Variants in LDLRAD3 observed in about 807,000 individuals in gnomAD.
LDLRAD3 encodes the protein low-density lipoprotein receptor class A domain-containing protein 3.
In LDLRAD3, 20 loss-of-function variants were observed where a neutral mutation model predicts 29.4. The observed-to-expected ratio is 0.68, with a 90% CI of 0.48 to 0.99. LDLRAD3 has a LOEUF of 0.99. LDLRAD3 is among the 50% of genes least tolerant of loss of function. The pLI is 0.00. For missense variants in LDLRAD3, 420 were observed against 454.3 expected, an observed-to-expected ratio of 0.92 and a Z score of 0.69; for synonymous variants, 157 against 192.7, an observed-to-expected ratio of 0.81 and a Z score of 1.53.
intron 1 of LDLRAD3, among the ~76,000 whole-genome samples, chr11:36,029,244 AAAACAAACAAAC>A (rs59122733): frequency 3.3e-5 from 5 of 151,018 alleles, no homozygotes; most frequent in East Asian, 2.0e-4. Flanking sequence ...ACTCCATCTC[AAAACAAACAAAC>A]AAACAAACAA....
intron 4 of LDLRAD3, among the ~76,000 whole-genome samples, chr11:36,198,573 C>T (rs534764070): frequency 5.9e-5 from 9 of 152,204 alleles, no homozygotes; most frequent in Non-Finnish European, 1.3e-4. Context: ...TTGCTTCCCC[C>T]CCATCCCACT....
Position 36,098,427 on chromosome 11 carries a change from C to T in LDLRAD3, c.420C>T (p.Asp140=), listed in dbSNP as rs370620850. The T allele has an allele frequency of 1.2e-5, 20 of 1,614,060 alleles. No individual in the cohort carries two copies. The highest frequency in any genetic ancestry group is 8.3e-5 in the Admixed American group (5 of 60,010). ...FICDGQNNCQ[D]NSDEESCESS... ...GCGATGGACAGAATAACTGTCAAGACAACAGTGATGAGGAAAGCTGTGAAA... is the reference window on the plus strand; with the variant it reads ...GCGATGGACAGAATAACTGTCAAGATAACAGTGATGAGGAAAGCTGTGAAA... The change falls in exon 4 of 6, where the codon GAC becomes GAT. Residue 140 remains aspartate, a synonymous_variant. Transcript: ENST00000315571.
rs938600845 is a variant in LDLRAD3, at chr11:36,231,460, G to C, written c.*2063G>C. On this transcript the variant is annotated 3_prime_UTR_variant, in exon 6 of 6. Coordinates refer to ENST00000315571, the MANE Select transcript of LDLRAD3 (RefSeq NM_174902.4). ...TGGCTGAACATTTCATCTCCTGTGA[G>C]TCAGAAGGGCTTTATTTCTCCCTTT... The C allele has an allele frequency of 4.6e-5, 7 of 152,184 alleles. No homozygotes were observed. The highest frequency in any genetic ancestry group is 3.9e-4 in the Admixed American group (6 of 15,284). 9.4% of individuals were successfully genotyped at this position (152,184 alleles called of 1,614,324 possible). A position where few individuals can be genotyped will look rare whatever the true frequency, so the allele number is the denominator to read the frequency against.
At chr11:36,027,320 ATTTTTCTAC>A (rs1852180086) in intron 1 of LDLRAD3, among the ~76,000 whole-genome samples, 1 of 152,120 alleles carries the variant, frequency 6.6e-6, no homozygotes, top group Non-Finnish European at 1.5e-5. Context: ...GGCTTTGTCC[ATTTTTCTAC>A]TGGGCTGCTT....
In LDLRAD3 at chr11:36,081,683, T is replaced by C; in HGVS notation, c.224T>C (p.Phe75Ser). Residue 75 changes from phenylalanine to serine, a missense_variant, in exon 3 of 6, where the codon TTC (phenylalanine) becomes TCC (serine). This residue lies in a region of LDLRAD3 where 224 missense variants were observed against 222.2 expected (regional missense o/e 1.01). Coordinates refer to ENST00000315571, the MANE Select transcript of LDLRAD3 (RefSeq NM_174902.4). The stretch of plus-strand genomic sequence containing the variant: ...GCTAAGTCGAAATGTGGCCCAACCT[T>C]CTTCCCCTGTGCCAGCGGCATCCAT... ...PKAKSKCGPT[F>S]FPCASGIHCI... 6.2e-7 allele frequency: 1 copy of C among 1,614,242 alleles called. No homozygotes were observed. The highest frequency in any genetic ancestry group is 8.5e-7 in the Non-Finnish European group (1 of 1,180,038).
chr11:36,027,201 G>T (rs1431938025), intron 1 of LDLRAD3, among the ~76,000 whole-genome samples: 1 of 152,218 alleles, frequency 6.6e-6, no homozygotes, highest in Non-Finnish European at 1.5e-5. Flanking sequence ...CAAGTTGGGT[G>T]TAAAAGAGAG....
intron 4 of LDLRAD3, among the ~76,000 whole-genome samples, chr11:36,198,261 T>G (rs72937454): frequency 0.14 from 9,837 of 72,288 alleles, 434 homozygotes; most frequent in East Asian, 0.36. Flanking sequence ...TCAGAAAATA[T>G]AGAAAAATAA....
chr11:35,991,867 TTGTGTG>T (rs33941156), intron 1 of LDLRAD3, among the ~76,000 whole-genome samples: 10 of 82,766 alleles, frequency 1.2e-4, no homozygotes, highest in East Asian at 5.7e-4. Flanking sequence ...GAATGGTTGT[TTGTGTG>T]TGTGTGTGTG....
At chr11:36,109,509 G>C (rs1307004400) in intron 4 of LDLRAD3, among the ~76,000 whole-genome samples, 1 of 152,134 alleles carries the variant, frequency 6.6e-6, no homozygotes, top group Admixed American at 6.6e-5. Flanking sequence ...AGAATCTGCC[G>C]TATTATTTTC....
At chr11:36,169,290 C>T (rs928896715) in intron 4 of LDLRAD3, among the ~76,000 whole-genome samples, 2 of 152,178 alleles carry the variant, frequency 1.3e-5, no homozygotes, top group Non-Finnish European at 1.5e-5. Flanking sequence ...TTTATTTCTG[C>T]TGGGAACATG....
intron 1 of LDLRAD3, among the ~76,000 whole-genome samples, chr11:36,005,788 G>A (rs1318087872): frequency 1.3e-5 from 2 of 152,236 alleles, no homozygotes; most frequent in East Asian, 3.9e-4. Context: ...GCATGACTAG[G>A]AGGCCTCAGG....
At chr11:35,967,848 T>C (rs1472590919) in intron 1 of LDLRAD3, 1 of 415,652 alleles carries the variant, frequency 2.4e-6, no homozygotes, top group African/African-American at 2.1e-5. Context: ...TTCTGAATGA[T>C]CATATGGTTA....
At chr11:35,948,863 A>G (rs1483225046) in intron 1 of LDLRAD3, among the ~76,000 whole-genome samples, 1 of 152,038 alleles carries the variant, frequency 6.6e-6, no homozygotes, top group African/African-American at 2.4e-5. Flanking sequence ...CAGCATCACT[A>G]GTTCTTGATG....
chr11:36,086,723 C>T (rs993974597), intron 3 of LDLRAD3, among the ~76,000 whole-genome samples: 2 of 152,184 alleles, frequency 1.3e-5, no homozygotes, highest in African/African-American at 4.8e-5. Flanking sequence ...GTAAACTCGC[C>T]ACCATTTTGG....
At chr11:36,050,517 A>T (rs772088669) in intron 2 of LDLRAD3, among the ~76,000 whole-genome samples, 57 of 152,280 alleles carry the variant, frequency 3.7e-4, no homozygotes, top group Non-Finnish European at 1.5e-4. Context: ...ATTAAAATCC[A>T]AACTAGGGCT....
intron 1 of LDLRAD3, among the ~76,000 whole-genome samples, chr11:35,973,468 T>G (rs542797317): frequency 6.6e-6 from 1 of 151,636 alleles, no homozygotes; most frequent in Admixed American, 6.6e-5. Flanking sequence ...GTTTGTTTTG[T>G]TTTTTTTGAG....
At chr11:35,990,953 AAC>A (rs1296627699) in intron 1 of LDLRAD3, among the ~76,000 whole-genome samples, 4 of 152,348 alleles carry the variant, frequency 2.6e-5, no homozygotes, top group Admixed American at 1.3e-4. Flanking sequence ...GCAAAGTCCT[AAC>A]ACAGTATCCA....
At chr11:35,962,182 G>C (rs1184262365) in intron 1 of LDLRAD3, among the ~76,000 whole-genome samples, 1 of 151,952 alleles carries the variant, frequency 6.6e-6, no homozygotes, top group Non-Finnish European at 1.5e-5. Context: ...CATTTAAATA[G>C]CCTTTTTCCT....
chr11:36,040,189 C>G (rs1339368901), intron 2 of LDLRAD3, among the ~76,000 whole-genome samples: 1 of 151,938 alleles, frequency 6.6e-6, no homozygotes, highest in Non-Finnish European at 1.5e-5. Context: ...AATTCTTGCC[C>G]TTTTCGAAGG....
Sources: gnomAD v4.1 joint callset for allele counts (sites outside exome capture counted in the v4.1 genomes callset) on GRCh38, gnomAD v4.1.1 for gene constraint, gnomAD v4.1.1 regional missense constraint, MANE v1.5 for transcripts, NCBI Gene and HGNC (gene_info 2026-07-23, HGNC 2026-07-21) for gene names.